Variants in NETO1 observed in about 807,000 individuals in gnomAD.
NETO1 encodes the protein neuropilin and tolloid like 1.
A neutral mutation model predicts 61.3 loss-of-function variants in NETO1; 26 were observed. The ratio of observed to expected loss-of-function variants is 0.42; its 90% CI spans 0.31 to 0.59. The LOEUF is 0.59. Ranked by LOEUF, NETO1 falls within the 20% of genes least tolerant of loss-of-function variation. NETO1 has a pLI of 0.12. For missense variants in NETO1, 531 were observed against 662.8 expected (o/e 0.80, Z 2.18); for synonymous variants, 225 against 225.8 (o/e 1.00, Z 0.03).
intron 7 of NETO1, among the ~76,000 whole-genome samples, chr18:72,769,171 C>T (rs1199468347): frequency 6.6e-6 from 1 of 151,968 alleles, no homozygotes; most frequent in Non-Finnish European, 1.5e-5. Context: ...CATTTTTTTT[C>T]TAATTATTAT....
At chr18:72,863,392 C>T (rs1453077244) in intron 3 of NETO1, among the ~76,000 whole-genome samples, 1 of 152,212 alleles carries the variant, frequency 6.6e-6, no homozygotes, top group Admixed American at 6.5e-5. Flanking sequence ...GTCGCAACTA[C>T]TTTGTGCTAA....
At chr18:72,808,504 C>T (rs552699430) in intron 4 of NETO1, among the ~76,000 whole-genome samples, 1 of 151,326 alleles carries the variant, frequency 6.6e-6, no homozygotes, top group African/African-American at 2.4e-5. Flanking sequence ...TTGTCCTCTT[C>T]CATCCCAATT....
At chr18:72,833,257 AT>A (rs1431549276) in intron 4 of NETO1, among the ~76,000 whole-genome samples, 3 of 152,176 alleles carry the variant, frequency 2.0e-5, no homozygotes, top group African/African-American at 7.2e-5. Context: ...AGTCATAGAT[AT>A]TTCTGACATT....
intron 7 of NETO1, among the ~76,000 whole-genome samples, chr18:72,778,209 T>C (rs2071621670): frequency 6.6e-6 from 1 of 152,198 alleles, no homozygotes; most frequent in Non-Finnish European, 1.5e-5. Flanking sequence ...GGCGCAGTGA[T>C]CTCTGACATA....
At chr18:72,827,329 T>G (rs1290670581) in intron 4 of NETO1, among the ~76,000 whole-genome samples, 1 of 152,066 alleles carries the variant, frequency 6.6e-6, no homozygotes, top group Non-Finnish European at 1.5e-5. Context: ...CTCTTTACAG[T>G]CCAGGCCTCC....
chr18:72,782,371 G>T (rs2071772245), intron 7 of NETO1, among the ~76,000 whole-genome samples: 1 of 152,196 alleles, frequency 6.6e-6, no homozygotes, highest in African/African-American at 2.4e-5. Context: ...TATTGGGATT[G>T]TTGGGTCAAA....
chr18:72,757,831 T>G (rs2070834298), intron 7 of NETO1, among the ~76,000 whole-genome samples: 1 of 152,154 alleles, frequency 6.6e-6, no homozygotes, highest in Non-Finnish European at 1.5e-5. Flanking sequence ...ATAGTGAATG[T>G]TGTCAAAATT....
At chr18:72,784,393 A>C (rs957664954) in intron 6 of NETO1, among the ~76,000 whole-genome samples, 3 of 152,228 alleles carry the variant, frequency 2.0e-5, no homozygotes, top group Non-Finnish European at 2.9e-5. Context: ...ATTATTTAAC[A>C]TAAATACACT....
intron 8 of NETO1, among the ~76,000 whole-genome samples, chr18:72,751,000 C>A (rs1419774357): frequency 7.2e-6 from 1 of 138,234 alleles, no homozygotes; most frequent in African/African-American, 2.8e-5. Flanking sequence ...ATACACTGAC[C>A]AGTCTTAAAA....
At chr18:72,772,776 TAC>T (rs1568187083) in intron 7 of NETO1, among the ~76,000 whole-genome samples, 1 of 115,708 alleles carries the variant, frequency 8.6e-6, no homozygotes, top group South Asian at 3.1e-4. Flanking sequence ...TATATATATA[TAC>T]AGATCTCTAT....
chr18:72,827,641 CAG>C (rs1304553973), intron 4 of NETO1, among the ~76,000 whole-genome samples: 9 of 147,332 alleles, frequency 6.1e-5, no homozygotes, highest in African/African-American at 7.6e-5. Flanking sequence ...AGCTGAGACT[CAG>C]AGGTCGAGAC....
intron 4 of NETO1, among the ~76,000 whole-genome samples, chr18:72,850,453 T>C (rs1182391543): frequency 6.6e-6 from 1 of 152,234 alleles, no homozygotes; most frequent in Non-Finnish European, 1.5e-5. Context: ...TATAATTCCT[T>C]GATTTAGTTT....
chr18:72,821,138 C>T (rs2073179736), intron 4 of NETO1, among the ~76,000 whole-genome samples: 1 of 150,912 alleles, frequency 6.6e-6, no homozygotes, highest in South Asian at 2.1e-4. Context: ...GAACAGCCTC[C>T]CCTGGCTGAC....
chr18:72,827,152 A>T (rs1297922055), intron 4 of NETO1, among the ~76,000 whole-genome samples: 1 of 147,708 alleles, frequency 6.8e-6, no homozygotes. Context: ...TAATATTTTT[A>T]AAGGCTCAGT....
At chr18:72,859,277 T>G (rs2074498215) in intron 3 of NETO1, among the ~76,000 whole-genome samples, 1 of 152,206 alleles carries the variant, frequency 6.6e-6, no homozygotes, top group South Asian at 2.1e-4. Flanking sequence ...TTAAAACCGA[T>G]GATGTTGCAT....
At chr18:72,824,695 T>C in intron 4 of NETO1, among the ~76,000 whole-genome samples, 1 of 137,234 alleles carries the variant, frequency 7.3e-6, no homozygotes, top group South Asian at 2.4e-4. Context: ...CGAAACCCCG[T>C]CTCTACTTAA....
chr18:72,796,353 G>A (rs764507515), intron 4 of NETO1, among the ~76,000 whole-genome samples: 2 of 152,156 alleles, frequency 1.3e-5, no homozygotes, highest in Non-Finnish European at 1.5e-5. Context: ...GAAACTGAGA[G>A]GCTTGGATTG....
At chr18:72,867,046 C>T in intron 1 of NETO1, 3 of 467,692 alleles carry the variant, frequency 6.4e-6, no homozygotes, top group Admixed American at 8.6e-5. Flanking sequence ...GACCGTTCTC[C>T]GGCAGGTTTT....
chr18:72,851,409 C>CAAAAAAAAA (rs1393321268), intron 4 of NETO1, among the ~76,000 whole-genome samples: 65 of 132,080 alleles, frequency 4.9e-4, no homozygotes, highest in African/African-American at 2.4e-3. Flanking sequence ...GAAACTCCCT[C>CAAAAAAAAA]AAAACAAAAA....
Sources: gnomAD v4.1 joint callset for allele counts (sites outside exome capture counted in the v4.1 genomes callset) on GRCh38, gnomAD v4.1.1 for gene constraint, MANE v1.5 for transcripts, NCBI Gene and HGNC (gene_info 2026-07-23, HGNC 2026-07-21) for gene names.